ANKS1B: variants seen among roughly 807,000 people sequenced by gnomAD.
ANKS1B encodes ankyrin repeat and sterile alpha motif domain-containing protein 1B.
In ANKS1B, 36 loss-of-function variants were observed where a neutral mutation model predicts 148.3. That is an observed-to-expected ratio of 0.24 (90% CI 0.19 to 0.32). The LOEUF (loss-of-function observed/expected upper bound fraction) is 0.32. Among genes scored for constraint, ANKS1B ranks in the 10% least tolerant of loss-of-function variants. The pLI, the probability that ANKS1B is intolerant of heterozygous loss-of-function variation, is 1.00. For synonymous variants in ANKS1B, 542 were observed against 560.8 expected (o/e 0.97, Z 0.47); for missense variants, 1,157 against 1,542.6 (o/e 0.75, Z 4.19).
At chr12:99,433,431 T>G (rs757824864) in intron 11 of ANKS1B, among the ~76,000 whole-genome samples, 3 of 152,178 alleles carry the variant, frequency 2.0e-5, no homozygotes, top group Non-Finnish European at 4.4e-5. Flanking sequence ...CTTTGTATTA[T>G]TATGGAAATA....
At chr12:99,711,939 C>G (rs1027072871) in intron 8 of ANKS1B, among the ~76,000 whole-genome samples, 1 of 152,122 alleles carries the variant, frequency 6.6e-6, no homozygotes, top group African/African-American at 2.4e-5. Context: ...GACATGGAAT[C>G]AAACTAAATG....
At chr12:99,682,006 G>A (rs1465103552) in intron 8 of ANKS1B, among the ~76,000 whole-genome samples, 1 of 152,118 alleles carries the variant, frequency 6.6e-6, no homozygotes. Context: ...AGCAACAAAA[G>A]TTTTAAAAAA....
At chr12:99,478,370 T>A (rs1171067716) in intron 10 of ANKS1B, among the ~76,000 whole-genome samples, 1 of 152,162 alleles carries the variant, frequency 6.6e-6, no homozygotes, top group African/African-American at 2.4e-5. Flanking sequence ...AGTATTTGAA[T>A]GGCTGCAGAC....
chr12:99,263,417 T>C (rs2076128325), intron 12 of ANKS1B, among the ~76,000 whole-genome samples: 2 of 151,868 alleles, frequency 1.3e-5, no homozygotes, highest in Admixed American at 1.3e-4. Flanking sequence ...TTGAGAACAA[T>C]TAGTTGAAAA....
At chr12:98,837,012 T>G (rs544452624) in intron 17 of ANKS1B, among the ~76,000 whole-genome samples, 1 of 152,128 alleles carries the variant, frequency 6.6e-6, no homozygotes, top group Admixed American at 6.6e-5. Flanking sequence ...AGAATGTGGC[T>G]CCAACTGCTG....
intron 14 of ANKS1B, among the ~76,000 whole-genome samples, chr12:99,196,244 A>G (rs2081368009): frequency 6.6e-6 from 1 of 152,190 alleles, no homozygotes; most frequent in Non-Finnish European, 1.5e-5. Flanking sequence ...GTAGTCTCCA[A>G]CAGTTCAATT....
At chr12:99,651,234 T>C (rs1315493366) in intron 9 of ANKS1B, among the ~76,000 whole-genome samples, 2 of 152,088 alleles carry the variant, frequency 1.3e-5, no homozygotes, top group Non-Finnish European at 2.9e-5. Context: ...AAAAAAATGG[T>C]TTCAAAATAT....
intron 12 of ANKS1B, among the ~76,000 whole-genome samples, chr12:99,294,409 G>A (rs1358831962): frequency 1.3e-5 from 2 of 152,182 alleles, no homozygotes; most frequent in Non-Finnish European, 2.9e-5. Flanking sequence ...CATGTTAAGT[G>A]AAATAAGCCA....
chr12:99,182,389 TC>T (rs977686923), intron 14 of ANKS1B, among the ~76,000 whole-genome samples: 1 of 152,166 alleles, frequency 6.6e-6, no homozygotes, highest in Non-Finnish European at 1.5e-5. Flanking sequence ...AATTTGTAGC[TC>T]CCACAAATAA....
At chr12:99,369,771 TAG>T (rs2092993665) in intron 12 of ANKS1B, among the ~76,000 whole-genome samples, 1 of 142,810 alleles carries the variant, frequency 7.0e-6, no homozygotes, top group East Asian at 2.2e-4. Flanking sequence ...GATAGATAGA[TAG>T]ATAGATAGAT....
chr12:98,911,280 A>G (rs1264756283), intron 17 of ANKS1B, among the ~76,000 whole-genome samples: 1 of 152,182 alleles, frequency 6.6e-6, no homozygotes, highest in East Asian at 1.9e-4. Flanking sequence ...TCATAGTGTC[A>G]AGATGATGAA....
chr12:99,749,575 G>T (rs925295684), intron 8 of ANKS1B, among the ~76,000 whole-genome samples: 1 of 152,034 alleles, frequency 6.6e-6, no homozygotes, highest in Admixed American at 6.6e-5. Context: ...AGATATGGCA[G>T]AAATTTTCTC....
Position 99,146,884 on chromosome 12 carries a change from G to C in ANKS1B, c.2526+7405C>G, listed in dbSNP as rs79962707. Among the ~76,000 whole-genome samples, 599 of 152,218 alleles carry C rather than the reference G, an allele frequency of 3.9e-3. 23 individuals carry two copies. The East Asian group carries it at 0.082, about 21-fold the overall frequency. Reference sequence around the variant, plus strand: ...ATGAGGAGCTCGAAACTGAAAGTAGGGTCAGCGAGCTATGGCCCATTGACC... The same window carrying C: ...ATGAGGAGCTCGAAACTGAAAGTAGCGTCAGCGAGCTATGGCCCATTGACC... On this transcript the variant is annotated intron_variant, in intron 15 of 26. Coordinates refer to ENST00000683438, the MANE Select transcript of ANKS1B (RefSeq NM_001352186.2).
intron 14 of ANKS1B, among the ~76,000 whole-genome samples, chr12:99,224,506 T>TTC (rs1344180910): frequency 6.6e-6 from 1 of 152,032 alleles, no homozygotes; most frequent in Non-Finnish European, 1.5e-5. Flanking sequence ...CACCTCCCCC[T>TTC]TCTCTCTCTC....
chr12:98,833,789 G>A (rs570531153), intron 17 of ANKS1B, among the ~76,000 whole-genome samples: 43 of 152,014 alleles, frequency 2.8e-4, no homozygotes, highest in Non-Finnish European at 5.1e-4. Context: ...TGTTGCCATC[G>A]TTATGCCCAT....
At chr12:98,790,856 G>A (rs921789869) in intron 22 of ANKS1B, among the ~76,000 whole-genome samples, 2 of 152,212 alleles carry the variant, frequency 1.3e-5, no homozygotes, top group African/African-American at 4.8e-5. Flanking sequence ...TTTAGAAAGA[G>A]CTTGAGACAA....
intron 11 of ANKS1B, among the ~76,000 whole-genome samples, chr12:99,431,495 A>G (rs1433995675): frequency 6.6e-6 from 1 of 152,262 alleles, no homozygotes; most frequent in East Asian, 1.9e-4. Context: ...AGTTTTGTGC[A>G]TCACTAGTTG....
chr12:98,750,832 C>A (rs1052757227), intron 26 of ANKS1B, among the ~76,000 whole-genome samples: 2 of 152,216 alleles, frequency 1.3e-5, no homozygotes, highest in Non-Finnish European at 2.9e-5. Context: ...GGCACCATGC[C>A]GCAGGAAGCC....
At chr12:98,888,298 A>G (rs2099744799) in intron 17 of ANKS1B, among the ~76,000 whole-genome samples, 1 of 152,168 alleles carries the variant, frequency 6.6e-6, no homozygotes, top group Non-Finnish European at 1.5e-5. Flanking sequence ...AATGTTTTCC[A>G]AAATTTGATA....
Sources: allele counts gnomAD v4.1 joint callset (sites outside exome capture counted in the v4.1 genomes callset), GRCh38; gene constraint gnomAD v4.1.1; transcripts MANE v1.5; gene names NCBI Gene and HGNC (gene_info 2026-07-23, HGNC 2026-07-21).